The following SORL1 variants were observed in gnomAD, a reference collection of about 807,000 sequenced individuals.
SORL1 encodes sortilin-related receptor.
Under a neutral mutation model 273.7 loss-of-function variants are expected in SORL1, and 127 were observed. The ratio of observed to expected loss-of-function variants is 0.46; its 90% CI spans 0.40 to 0.54. SORL1 has a LOEUF of 0.54. Ranked by LOEUF, SORL1 falls within the 20% of genes least tolerant of loss-of-function variation. The pLI, the probability that SORL1 is intolerant of heterozygous loss-of-function variation, is 0.00. For synonymous variants in SORL1, 1,031 were observed against 1,067.4 expected (o/e 0.97, Z 0.66); for missense variants, 2,494 against 2,846.1 (o/e 0.88, Z 2.81).
intron 1 of SORL1, among the ~76,000 whole-genome samples, chr11:121,468,711 G>A (rs557404205): frequency 2.0e-5 from 3 of 152,222 alleles, no homozygotes; most frequent in East Asian, 3.9e-4. Context: ...GTGGGCCACC[G>A]AGCCTGACCA....
intron 6 of SORL1, among the ~76,000 whole-genome samples, chr11:121,509,531 C>T (rs920028725): frequency 6.6e-6 from 1 of 152,064 alleles, no homozygotes; most frequent in African/African-American, 2.4e-5. Flanking sequence ...GGCTGGAGTG[C>T]AGCGGCATGA....
intron 11 of SORL1, among the ~76,000 whole-genome samples, chr11:121,526,904 G>T (rs1202918975): frequency 1.3e-5 from 2 of 152,016 alleles, no homozygotes; most frequent in Non-Finnish European, 2.9e-5. Flanking sequence ...TGATCTTAAT[G>T]TCTTTTATGT....
intron 11 of SORL1, among the ~76,000 whole-genome samples, chr11:121,527,310 T>C (rs1436898506): frequency 6.6e-6 from 1 of 152,150 alleles, no homozygotes; most frequent in Admixed American, 6.5e-5. Context: ...AATTAATTCT[T>C]GAATATTAGA....
In SORL1 at chr11:121,488,102, T is replaced by C; in HGVS notation, c.599T>C (p.Phe200Ser). ...TFDFCNTLQG[F>S]SIPFRAADLL... is the part of the protein sequence containing the mutation. ...GACTTCTGCAACACTCTTCAAGGCT[T>C]TTCCATCCCATTTCGGGCAGCTGAT... The change falls in exon 4 of 48, where the codon TTT (phenylalanine) becomes TCT (serine). Residue 200 changes from phenylalanine to serine, a missense_variant. This residue lies in a region of SORL1 where 710 missense variants were observed against 882.5 expected (regional missense o/e 0.80). Coordinates refer to ENST00000260197, the MANE Select transcript of SORL1 (RefSeq NM_003105.6). 2 of 1,614,154 alleles carry C rather than the reference T, an allele frequency of 1.2e-6. No homozygotes were observed. Among genetic ancestry groups the C allele is most frequent in the Non-Finnish European group, 1.7e-6 (2 of 1,180,038 alleles).
At chr11:121,573,224 T>C (rs1223217174) in intron 23 of SORL1, among the ~76,000 whole-genome samples, 1 of 152,242 alleles carries the variant, frequency 6.6e-6, no homozygotes, top group Non-Finnish European at 1.5e-5. Flanking sequence ...TTTAATAGGC[T>C]CTGGTTCCAA....
At chr11:121,586,054 A>C (rs1863100214) in intron 26 of SORL1, among the ~76,000 whole-genome samples, 168 bp from the exon 27 acceptor site, 1 of 152,242 alleles carries the variant, frequency 6.6e-6, no homozygotes. Context: ...ACATTTCTAC[A>C]AAAGTAGAAT....
At chr11:121,476,466 C>T (rs1255785897) in intron 2 of SORL1, among the ~76,000 whole-genome samples, 1 of 152,224 alleles carries the variant, frequency 6.6e-6, no homozygotes, top group African/African-American at 2.4e-5. Flanking sequence ...CATGTGCTCT[C>T]TGTTCCCTTT....
rs564067558 is a variant in SORL1, at chr11:121,564,729, C to T, written c.3050-2211C>T. Among the ~76,000 whole-genome samples, 10 of 151,438 alleles carry T rather than the reference C, an allele frequency of 6.6e-5. No individual in the cohort carries two copies. In the South Asian group the frequency reaches 1.7e-3, roughly 25 times the overall value. On this transcript the variant is annotated intron_variant, in intron 21 of 47. Transcript: ENST00000260197. ...GTGGCTGGGATCACAGATGTGTACCCGGCTAATTTTGCTTATTTTTTTTTT... is the reference window on the plus strand; with the variant it reads ...GTGGCTGGGATCACAGATGTGTACCTGGCTAATTTTGCTTATTTTTTTTTT...
Position 121,550,528 on chromosome 11 carries a change from G to T in SORL1, c.2181-57G>T. Reference sequence around the variant, plus strand: ...TAGTAAGTGTATTCCCAGCTGGGATGCCTTTGTGGCTATTCTTCCATGTTT... The same window carrying T: ...TAGTAAGTGTATTCCCAGCTGGGATTCCTTTGTGGCTATTCTTCCATGTTT... On this transcript the variant is annotated intron_variant, in intron 15 of 47. Coordinates refer to ENST00000260197, the MANE Select transcript of SORL1 (RefSeq NM_003105.6). The surrounding 1 kb of genome is among the most constrained non-coding windows in gnomAD (Gnocchi z 5.3). 1 of 1,460,168 alleles carries T rather than the reference G, an allele frequency of 6.8e-7. No individual in the cohort carries two copies. The highest frequency in any genetic ancestry group is 2.3e-5 in the East Asian group (1 of 44,014). 90.5% of individuals were successfully genotyped at this position (1,460,168 alleles called of 1,614,324 possible). A position where few individuals can be genotyped will look rare whatever the true frequency, so the allele number is the denominator to read the frequency against.
intron 9 of SORL1, 51 bp from the exon 10 acceptor site, chr11:121,522,535 C>T (rs556067109): frequency 5.3e-5 from 72 of 1,353,478 alleles, no homozygotes; most frequent in South Asian, 2.4e-4. Flanking sequence ...TTACAGGGAA[C>T]GCTAGGCATG....
chr11:121,501,905 C>T (rs756931116), intron 6 of SORL1, among the ~76,000 whole-genome samples: 21 of 152,114 alleles, frequency 1.4e-4, no homozygotes, highest in Non-Finnish European at 2.9e-4. Context: ...TAGCATGTAT[C>T]ATTACTTTAA....
chr11:121,513,320 TG>T (rs1163257537), intron 7 of SORL1, among the ~76,000 whole-genome samples: 1 of 152,172 alleles, frequency 6.6e-6, no homozygotes, highest in African/African-American at 2.4e-5. Context: ...TTGCTTTAAG[TG>T]GAGCAGCACT....
chr11:121,572,807 C>T (rs867535234), intron 23 of SORL1, among the ~76,000 whole-genome samples: 1 of 152,128 alleles, frequency 6.6e-6, no homozygotes, highest in Non-Finnish European at 1.5e-5. Flanking sequence ...AGGGTTTTGA[C>T]GCGAATCCCT....
Position 121,543,676 on chromosome 11 carries a change from A to G in SORL1, c.1814A>G (p.Glu605Gly), listed in dbSNP as rs775383893. ...TVFTIFGSNK[E>G]NVHSWLILQV... ...TTCACCATCTTTGGCTCGAACAAAG[A>G]GAATGTCCACAGCTGGCTGATCCTC... Residue 605 changes from glutamate to glycine, a missense_variant, in exon 13 of 48, where the codon GAG (glutamate) becomes GGG (glycine). Physicochemically the swap from Glu to Gly is moderately conservative, Grantham distance 98 (BLOSUM62 -2). Coordinates refer to ENST00000260197, the MANE Select transcript of SORL1 (RefSeq NM_003105.6). The G allele has an allele frequency of 2.2e-5, 35 of 1,614,058 alleles. No homozygotes were observed. The highest frequency in any genetic ancestry group is 2.9e-5 in the Non-Finnish European group (34 of 1,180,028).
At chr11:121,468,109 G>A (rs905723004) in intron 1 of SORL1, among the ~76,000 whole-genome samples, 1 of 152,108 alleles carries the variant, frequency 6.6e-6, no homozygotes, top group Non-Finnish European at 1.5e-5. Flanking sequence ...GGGAAAGTTC[G>A]AGTGTGCTGG....
intron 6 of SORL1, among the ~76,000 whole-genome samples, chr11:121,503,224 T>G (rs1190825801): frequency 6.6e-6 from 1 of 152,136 alleles, no homozygotes; most frequent in African/African-American, 2.4e-5. Flanking sequence ...CTGCCTGTGC[T>G]GTTGTTATAT....
chr11:121,545,410 A>G lies in SORL1; in HGVS notation c.2032A>G (p.Thr678Ala). Residue 678 changes from threonine to alanine, a missense_variant, in exon 14 of 48, where the codon ACC becomes GCC. Physicochemically the swap from Thr to Ala is moderately conservative, Grantham distance 58. Around this residue, in one of 3 missense-constraint regions of SORL1, gnomAD observed 710 missense variants for 882.5 expected, o/e 0.80. Coordinates refer to ENST00000260197, the MANE Select transcript of SORL1 (RefSeq NM_003105.6). The stretch of plus-strand genomic sequence containing the variant: ...GGTGGTCGTGTCCAACTGCTCCTGC[A>G]CCCGGGAGGACTATGAGTGGTCAGT... ...RPVVVSNCSC[T>A]REDYECDFGF... is the part of the protein sequence containing the mutation. 6.2e-7 allele frequency: 1 copy of G among 1,613,992 alleles called. No homozygotes were observed. Among genetic ancestry groups the G allele is most frequent in the Non-Finnish European group, 8.5e-7 (1 of 1,179,984 alleles).
At chr11:121,562,630 C>T (rs138740842) in intron 21 of SORL1, among the ~76,000 whole-genome samples, 1,833 of 152,200 alleles carry the variant, frequency 0.012, 19 homozygotes, top group Non-Finnish European at 0.017. Context: ...AGTTCTTGTA[C>T]GCAAGGAACC....
rs3758898 is a variant in SORL1, at chr11:121,479,538, G to A, written c.528+1295G>A. On this transcript the variant is annotated intron_variant, in intron 3 of 47. Transcript: ENST00000260197. ...AAATATTTAGCGACTGGTGTGGCTT[G>A]GGCACTGACCAATCAGAACAAATCC... Among the ~76,000 whole-genome samples the A allele has an allele frequency of 1.8e-4, 28 of 152,180 alleles. No homozygotes were observed. The East Asian group carries it at 5.4e-3, about 29-fold the overall frequency.
Sources: allele counts gnomAD v4.1 joint callset (sites outside exome capture counted in the v4.1 genomes callset), GRCh38; gene constraint gnomAD v4.1.1; regional missense constraint gnomAD v4.1.1; non-coding constraint Gnocchi (gnomAD v3.1); transcripts MANE v1.5; gene names NCBI Gene and HGNC (gene_info 2026-07-23, HGNC 2026-07-21).